MARCHF11: variants seen among roughly 807,000 people sequenced by gnomAD.
MARCHF11 encodes the protein membrane associated ring-CH-type finger 11.
A neutral mutation model predicts 37.3 loss-of-function variants in MARCHF11; 29 were observed. That is an observed-to-expected ratio of 0.78 (90% CI 0.58 to 1.06). MARCHF11 has a LOEUF of 1.06. MARCHF11 is among the 50% of genes least tolerant of loss of function. The probability of loss-of-function intolerance (pLI) is 0.00; values close to 1 mark genes in which losing one functional copy is unlikely to be tolerated. For missense variants in MARCHF11, 482 were observed against 533.4 expected (o/e 0.90, Z 0.95); for synonymous variants, 233 against 228.0 (o/e 1.02, Z -0.20).
chr5:16,159,402 A>C (rs1409175001), intron 2 of MARCHF11, among the ~76,000 whole-genome samples: 1 of 151,948 alleles, frequency 6.6e-6, no homozygotes, highest in East Asian at 1.9e-4. Context: ...TTAGATAATA[A>C]GGCAGAGACA....
At chr5:16,090,559 T>C (rs999903814) in intron 3 of MARCHF11, among the ~76,000 whole-genome samples, 3 of 152,170 alleles carry the variant, frequency 2.0e-5, no homozygotes, top group South Asian at 2.1e-4. Context: ...AAAGGGAAAC[T>C]GGTTTGCTCT....
At chr5:16,159,747 C>T (rs561784789) in intron 2 of MARCHF11, among the ~76,000 whole-genome samples, 7 of 151,984 alleles carry the variant, frequency 4.6e-5, no homozygotes, top group Admixed American at 4.6e-4. Flanking sequence ...CTCCATACAT[C>T]CTCCCATCAA....
chr5:16,130,313 T>C (rs536627541), intron 2 of MARCHF11, among the ~76,000 whole-genome samples: 85 of 152,078 alleles, frequency 5.6e-4, no homozygotes, highest in African/African-American at 2.0e-3. Context: ...TGTTAACCTT[T>C]ACTCTGTCTT....
chr5:16,124,908 CT>C (rs1407115777), intron 2 of MARCHF11, among the ~76,000 whole-genome samples: 4 of 151,316 alleles, frequency 2.6e-5, no homozygotes, highest in African/African-American at 9.7e-5. Flanking sequence ...TTCTAATAAC[CT>C]CTTAGTCGTT....
At chr5:16,144,161 C>T (rs1371691383) in intron 2 of MARCHF11, among the ~76,000 whole-genome samples, 2 of 152,284 alleles carry the variant, frequency 1.3e-5, no homozygotes, top group East Asian at 1.9e-4. Context: ...TGAGCTAACA[C>T]ATATGAAAGC....
chr5:16,176,954 A>G (rs960791440), intron 2 of MARCHF11, among the ~76,000 whole-genome samples: 1 of 152,100 alleles, frequency 6.6e-6, no homozygotes, highest in African/African-American at 2.4e-5. Context: ...GCTTTTCCTT[A>G]AGATGTCATT....
chr5:16,161,895 T>A (rs1306391639), intron 2 of MARCHF11, among the ~76,000 whole-genome samples: 1 of 151,968 alleles, frequency 6.6e-6, no homozygotes, highest in Non-Finnish European at 1.5e-5. Flanking sequence ...TGATGAAGCG[T>A]CTCTTCAAAA....
chr5:16,101,067 C>T (rs1736946372), intron 2 of MARCHF11, among the ~76,000 whole-genome samples: 1 of 149,978 alleles, frequency 6.7e-6, no homozygotes, highest in Non-Finnish European at 1.5e-5. Flanking sequence ...TTCTGTATCT[C>T]ACAGGAAAAA....
chr5:16,112,747 T>A (rs997866874), intron 2 of MARCHF11, among the ~76,000 whole-genome samples: 1 of 152,134 alleles, frequency 6.6e-6, no homozygotes, highest in African/African-American at 2.4e-5. Context: ...TTTAGCTGTG[T>A]CCCTACCTAA....
rs147424380 is a variant in MARCHF11 at position 16,078,722 on chromosome 5, G to C, written c.887-10929C>G. On this transcript the variant is annotated intron_variant, in intron 3 of 3. Transcript: ENST00000332432. ...GCCTCCTCTGGGCCTTCCCCAGTGAGGGATGGGGACAGGTGGCTCTTCTTG... is the reference window on the plus strand; with the variant it reads ...GCCTCCTCTGGGCCTTCCCCAGTGACGGATGGGGACAGGTGGCTCTTCTTG... 5.9e-5 allele frequency among the ~76,000 whole-genome samples: 9 copies of C among 152,322 alleles called. No individual in the cohort carries two copies. The East Asian group carries it at 1.7e-3, about 29-fold the overall frequency.
chr5:16,164,359 G>A (rs1738136493), intron 2 of MARCHF11, among the ~76,000 whole-genome samples: 1 of 151,986 alleles, frequency 6.6e-6, no homozygotes, highest in African/African-American at 2.4e-5. Flanking sequence ...AGATTAACAA[G>A]GAAATAGAAG....
intron 3 of MARCHF11, among the ~76,000 whole-genome samples, chr5:16,074,917 A>G (rs1342274043): frequency 1.3e-5 from 2 of 152,252 alleles, no homozygotes; most frequent in Non-Finnish European, 2.9e-5. Context: ...CACTGACACT[A>G]TGTCCCCCTG....
Position 16,179,751 on chromosome 5 carries a change from C to A in MARCHF11, c.-176G>T. On this transcript the variant is annotated 5_prime_UTR_variant, in exon 1 of 4. Transcript: ENST00000332432. ...GCGGAAGGTTCTGCAGCTGCGGCGGCGGCAGGCGCGGCCGTTCGGTGGAGC... is the reference window on the plus strand; with the variant it reads ...GCGGAAGGTTCTGCAGCTGCGGCGGAGGCAGGCGCGGCCGTTCGGTGGAGC... 1 of 298,874 alleles carries A rather than the reference C, an allele frequency of 3.3e-6. No homozygotes were observed. Among genetic ancestry groups the A allele is most frequent in the Non-Finnish European group, 5.6e-6 (1 of 180,052 alleles). 18.5% of individuals were successfully genotyped at this position (298,874 alleles called of 1,614,324 possible).
intron 3 of MARCHF11, among the ~76,000 whole-genome samples, chr5:16,084,709 G>A (rs1736665896): frequency 6.7e-6 from 1 of 149,112 alleles, no homozygotes; most frequent in Admixed American, 6.7e-5. Flanking sequence ...CAAAGTACAG[G>A]AAAATAAAAG....
At chr5:16,154,516 G>A (rs1379546057) in intron 2 of MARCHF11, among the ~76,000 whole-genome samples, 1 of 151,772 alleles carries the variant, frequency 6.6e-6, no homozygotes, top group African/African-American at 2.4e-5. Context: ...AAGTAACTGT[G>A]TGATGATCTG....
At chr5:16,074,683 C>T (rs1736488899) in intron 3 of MARCHF11, among the ~76,000 whole-genome samples, 1 of 152,150 alleles carries the variant, frequency 6.6e-6, no homozygotes, top group South Asian at 2.1e-4. Context: ...AAATAAAATC[C>T]TCCGTGCAAG....
At position 16,179,241 on chromosome 5, in the gene MARCHF11, G is replaced by A. The variant is rs1413743049; in HGVS notation, c.335C>T (p.Ala112Val). Residue 112 changes from alanine (A) to valine (V), a missense_variant, in exon 1 of 4, where the codon GCG (alanine) becomes GTG (valine). Ala to Val is a moderately conservative substitution (Grantham distance 64). Transcript: ENST00000332432. ...SGEGPRRLPE[A>V]AAAKGGPGES... ...CCCGGGGCCGCCTTTCGCTGCTGCCGCCTCCGGGAGGCGCCTCGGACCTTC... is the reference window on the plus strand; with the variant it reads ...CCCGGGGCCGCCTTTCGCTGCTGCCACCTCCGGGAGGCGCCTCGGACCTTC... The A allele has an allele frequency of 1.5e-6, 2 of 1,343,446 alleles. No homozygotes were observed. Among genetic ancestry groups the A allele is most frequent in the Non-Finnish European group, 1.9e-6 (2 of 1,047,494 alleles). 83.2% of individuals were successfully genotyped at this position (1,343,446 alleles called of 1,614,324 possible).
intron 2 of MARCHF11, among the ~76,000 whole-genome samples, chr5:16,160,929 T>C (rs1738065491): frequency 6.6e-6 from 1 of 151,984 alleles, no homozygotes; most frequent in South Asian, 2.1e-4. Flanking sequence ...AGGGCAGAGT[T>C]GCACAGTAAA....
chr5:16,090,712 T>C (rs1736776278), intron 3 of MARCHF11, among the ~76,000 whole-genome samples, 177 bp downstream of exon 3: 1 of 151,886 alleles, frequency 6.6e-6, no homozygotes, highest in Non-Finnish European at 1.5e-5. Flanking sequence ...CACGGGAATA[T>C]AGATGCTATG....
Sources: allele counts gnomAD v4.1 joint callset (sites outside exome capture counted in the v4.1 genomes callset), GRCh38; gene constraint gnomAD v4.1.1; transcripts MANE v1.5; gene names NCBI Gene and HGNC (gene_info 2026-07-23, HGNC 2026-07-21).